TLK2: variants seen among roughly 807,000 people sequenced by gnomAD.
TLK2 encodes tousled like kinase 2.
Under a neutral mutation model 117.3 loss-of-function variants are expected in TLK2, and 6 were observed. The ratio of observed to expected loss-of-function variants is 0.05; its 90% confidence interval spans 0.03 to 0.10. The LOEUF (loss-of-function observed/expected upper bound fraction) is 0.10, where lower values mean the gene tolerates loss of function less well. Among genes scored for constraint, TLK2 ranks in the 10% least tolerant of loss-of-function variants. TLK2 has a pLI of 1.00. For missense variants in TLK2, 299 were observed against 901.2 expected (o/e 0.33, Z 8.56); for synonymous variants, 257 against 316.7 (o/e 0.81, Z 2.00).
At chr17:62,569,891 G>C (rs1357961590) in intron 11 of TLK2, among the ~76,000 whole-genome samples, 3 of 152,098 alleles carry the variant, frequency 2.0e-5, no homozygotes, top group Non-Finnish European at 4.4e-5. Flanking sequence ...CACACTTCAG[G>C]AGTCTGAAAG....
intron 11 of TLK2, chr17:62,572,871 A>C (rs2080423684): frequency 6.1e-6 from 1 of 163,084 alleles, no homozygotes; most frequent in Non-Finnish European, 1.3e-5. Flanking sequence ...TTTACTTTTA[A>C]TGGGTTCAGA....
intron 20 of TLK2, among the ~76,000 whole-genome samples, chr17:62,606,694 G>A (rs933044286): frequency 6.6e-6 from 1 of 152,194 alleles, no homozygotes; most frequent in East Asian, 1.9e-4. Context: ...ATACTGGGGA[G>A]ATGGTGTCAG....
chr17:62,512,069 T>G (rs2075188430), intron 2 of TLK2, among the ~76,000 whole-genome samples: 1 of 152,208 alleles, frequency 6.6e-6, no homozygotes, highest in South Asian at 2.1e-4. Context: ...CTTGACAGTG[T>G]TTAGCGTTGT....
chr17:62,596,457 C>T, intron 16 of TLK2, 128 bp from the exon 17 acceptor site: 1 of 662,238 alleles, frequency 1.5e-6, no homozygotes, highest in Non-Finnish European at 2.6e-6. Flanking sequence ...GATGAGGGAC[C>T]AGATGGACCT....
At chr17:62,494,982 A>G (rs2073500519) in intron 2 of TLK2, among the ~76,000 whole-genome samples, 1 of 152,098 alleles carries the variant, frequency 6.6e-6, no homozygotes, top group Admixed American at 6.6e-5. Context: ...CCTGGCCAAC[A>G]TGGTGAAACC....
chr17:62,580,038 T>A (rs1598729584), intron 14 of TLK2, 73 bp from the exon 15 acceptor site: 21 of 1,183,098 alleles, frequency 1.8e-5, no homozygotes, highest in East Asian at 4.8e-5. Context: ...GTGTTAGATA[T>A]TCTGGGAATT....
At chr17:62,606,063 C>G (rs968508245) in intron 19 of TLK2, 67 bp from the exon 20 acceptor site, 447 of 333,834 alleles carry the variant, frequency 1.3e-3, no homozygotes, top group Non-Finnish European at 2.1e-3. Context: ...TTTATTTTGT[C>G]TTTTTGTACA....
intron 2 of TLK2, chr17:62,516,509 G>C (rs140272666): frequency 0.015 from 24,775 of 1,607,702 alleles, 238 homozygotes; most frequent in Middle Eastern, 0.021. Flanking sequence ...ACAATCTCCG[G>C]GGGCAGATGA....
At chr17:62,546,364 TAATGAAAAGGG>T (rs1567891525) in intron 7 of TLK2, among the ~76,000 whole-genome samples, 152 of 104,068 alleles carry the variant, frequency 1.5e-3, no homozygotes, top group East Asian at 2.0e-3. Context: ...TTTTTTTACA[TAATGAAAAGGG>T]TTTTTTATTT....
chr17:62,582,881 A>G (rs956708354), intron 15 of TLK2, among the ~76,000 whole-genome samples: 1 of 152,100 alleles, frequency 6.6e-6, no homozygotes, highest in Non-Finnish European at 1.5e-5. Flanking sequence ...GACTCATACT[A>G]CGTCTTTTTA....
At chr17:62,579,932 C>T (rs2081086827) in intron 14 of TLK2, among the ~76,000 whole-genome samples, 179 bp from the exon 15 acceptor site, 1 of 152,206 alleles carries the variant, frequency 6.6e-6, no homozygotes, top group South Asian at 2.1e-4. Flanking sequence ...ATTGTAATTA[C>T]ACTGCCTCTT....
chr17:62,557,130 G>A (rs1412590537), intron 9 of TLK2, among the ~76,000 whole-genome samples: 2 of 152,104 alleles, frequency 1.3e-5, no homozygotes, highest in African/African-American at 2.4e-5. Context: ...TCATTATGTT[G>A]TCCAGGCTGG....
At chr17:62,506,273 A>C (rs368854538) in intron 2 of TLK2, among the ~76,000 whole-genome samples, 4 of 152,238 alleles carry the variant, frequency 2.6e-5, no homozygotes, top group African/African-American at 9.6e-5. Flanking sequence ...AACCAGTGCT[A>C]GGACGTGTGT....
chr17:62,484,617 C>T (rs1338332878), intron 2 of TLK2, among the ~76,000 whole-genome samples: 1 of 151,994 alleles, frequency 6.6e-6, no homozygotes, highest in Non-Finnish European at 1.5e-5. Flanking sequence ...CTTCTTTTAC[C>T]AGTAAGACAT....
chr17:62,516,817 C>G (rs1255873601), intron 2 of TLK2: 1 of 1,167,794 alleles, frequency 8.6e-7, no homozygotes, highest in Non-Finnish European at 1.2e-6. Context: ...AGTTTTAGTT[C>G]TTATGTTTAG....
chr17:62,496,186 A>C (rs1227076696), intron 2 of TLK2, among the ~76,000 whole-genome samples: 1 of 152,146 alleles, frequency 6.6e-6, no homozygotes, highest in Non-Finnish European at 1.5e-5. Context: ...TATATAAACT[A>C]TTGTGCATTT....
Position 62,478,952 on chromosome 17 carries a change from CT to C in TLK2, c.-343del, listed in dbSNP as rs1396046075. On this transcript the variant is annotated 5_prime_UTR_variant, in exon 1 of 22. Transcript: ENST00000346027. ...CCCCAGCCGAGCGGGCCCCCACCTC[CT>C]GGCCCGGCCTGGGCCCTCCTGCGCC... 1 of 151,420 alleles carries C rather than the reference CT, an allele frequency of 6.6e-6. No individual in the cohort carries two copies. The highest frequency in any genetic ancestry group is 1.5e-5 in the Non-Finnish European group (1 of 67,704). 9.4% of individuals were successfully genotyped at this position (151,420 alleles called of 1,614,324 possible).
intron 10 of TLK2, among the ~76,000 whole-genome samples, chr17:62,560,998 C>T (rs943748680): frequency 2.6e-5 from 4 of 152,152 alleles, no homozygotes; most frequent in Admixed American, 2.6e-4. Context: ...CCACAACAGG[C>T]CCCGGTGTGT....
intron 2 of TLK2, among the ~76,000 whole-genome samples, chr17:62,484,379 C>T (rs2072076420): frequency 6.6e-6 from 1 of 151,876 alleles, no homozygotes; most frequent in Non-Finnish European, 1.5e-5. Context: ...TCACTGCAAC[C>T]TCCGCTTCCT....
Sources: allele counts gnomAD v4.1 joint callset (sites outside exome capture counted in the v4.1 genomes callset), GRCh38; gene constraint gnomAD v4.1.1; transcripts MANE v1.5; gene names NCBI Gene and HGNC (gene_info 2026-07-23, HGNC 2026-07-21).